Variants in PLXNA2 observed in about 807,000 individuals in gnomAD.
The protein encoded by PLXNA2 is plexin-A2.
Under a neutral mutation model 193.5 loss-of-function variants are expected in PLXNA2, and 91 were observed. The observed-to-expected ratio is 0.47, with a 90% CI of 0.40 to 0.56. The LOEUF (loss-of-function observed/expected upper bound fraction) is 0.56, where lower values mean the gene tolerates loss of function less well. PLXNA2 is among the 20% of genes least tolerant of loss of function. The probability of loss-of-function intolerance (pLI) is 0.00; values close to 1 mark genes in which losing one functional copy is unlikely to be tolerated. For synonymous variants in PLXNA2, 997 were observed against 1,027.3 expected, an observed-to-expected ratio of 0.97 and a Z score of 0.56; for missense variants, 1,995 against 2,503.2, an observed-to-expected ratio of 0.80 and a Z score of 4.33.
chr1:208,229,162 G>A (rs908903849), intron 1 of PLXNA2, among the ~76,000 whole-genome samples: 1 of 152,056 alleles, frequency 6.6e-6, no homozygotes, highest in Admixed American at 6.5e-5. Context: ...GTCTTTCCCT[G>A]CCTCTCTTTC....
At chr1:208,032,665 A>T (rs1161151513) in intron 28 of PLXNA2, among the ~76,000 whole-genome samples, 1 of 150,448 alleles carries the variant, frequency 6.6e-6, no homozygotes, top group Non-Finnish European at 1.5e-5. Context: ...CCTGCTAGGA[A>T]GGCTAAAAGA....
chr1:208,203,747 G>GT (rs1670625632), intron 3 of PLXNA2, among the ~76,000 whole-genome samples: 3 of 140,584 alleles, frequency 2.1e-5, no homozygotes, highest in Non-Finnish European at 4.6e-5. Flanking sequence ...TATAGCTACA[G>GT]CTCAGTTTCC....
At chr1:208,155,859 AGCCT>A (rs1386418497) in intron 3 of PLXNA2, among the ~76,000 whole-genome samples, 2 of 152,152 alleles carry the variant, frequency 1.3e-5, no homozygotes, top group African/African-American at 4.8e-5. Flanking sequence ...CTCTTGCTAT[AGCCT>A]GGAGGCTGCC....
At chr1:208,142,996 C>T (rs1353867877) in intron 3 of PLXNA2, among the ~76,000 whole-genome samples, 2 of 152,222 alleles carry the variant, frequency 1.3e-5, no homozygotes, top group East Asian at 3.8e-4. Flanking sequence ...CCCTGACTGT[C>T]CACAAATCCA....
At chr1:208,034,839 G>A (rs145130702) in intron 26 of PLXNA2, among the ~76,000 whole-genome samples, 215 of 152,278 alleles carry the variant, frequency 1.4e-3, no homozygotes, top group African/African-American at 4.7e-3. Flanking sequence ...TCCCAACTAA[G>A]ATGAGCTGTG....
Position 208,060,784 on chromosome 1 carries a change from G to T in PLXNA2, c.2640C>A (p.Gly880=), listed in dbSNP as rs1037371057. Residue 880 remains glycine, a synonymous_variant, in exon 13 of 32, where the codon GGC becomes GGA. Coordinates refer to ENST00000367033, the MANE Select transcript of PLXNA2 (RefSeq NM_025179.4). ...CGGAGAAGTCCAGACCCAGGTTCAC[G>T]CCATGGATGGTCACTCGCGTCCCTC... The part of the protein sequence containing the change: ...PEGGTRVTIH[G]VNLGLDFSEI... 6.2e-7 allele frequency: 1 copy of T among 1,614,068 alleles called. No homozygotes were observed. Among genetic ancestry groups the T allele is most frequent in the East Asian group, 2.2e-5 (1 of 44,850 alleles).
intron 4 of PLXNA2, among the ~76,000 whole-genome samples, chr1:208,105,105 G>T (rs1387534934): frequency 6.6e-6 from 1 of 152,202 alleles, no homozygotes; most frequent in Non-Finnish European, 1.5e-5. Flanking sequence ...CGGAGTTCAG[G>T]TCTCCGCAGC....
chr1:208,230,750 A>G (rs1558257192), intron 1 of PLXNA2, among the ~76,000 whole-genome samples: 2 of 152,018 alleles, frequency 1.3e-5, no homozygotes, highest in African/African-American at 2.4e-5. Flanking sequence ...CTATGTCCCC[A>G]CCCTGTATCT....
intron 3 of PLXNA2, among the ~76,000 whole-genome samples, chr1:208,186,139 G>A (rs1302640778): frequency 2.0e-5 from 3 of 152,206 alleles, no homozygotes; most frequent in Non-Finnish European, 4.4e-5. Flanking sequence ...AGGCCCAGGA[G>A]GGTAGGAGGA....
chr1:208,031,950 T>C (rs1279573015), intron 28 of PLXNA2, 191 bp from the exon 29 acceptor site: 1 of 981,206 alleles, frequency 1.0e-6, no homozygotes, highest in Non-Finnish European at 1.2e-6. Flanking sequence ...GGGTGGGCTG[T>C]GAATCCTGGG....
intron 3 of PLXNA2, among the ~76,000 whole-genome samples, chr1:208,151,545 C>T (rs189230037): frequency 6.6e-6 from 1 of 152,278 alleles, no homozygotes; most frequent in African/African-American, 2.4e-5. Flanking sequence ...CAAAAGGGGG[C>T]AGGACAAGGA....
chr1:208,195,730 C>T (rs1053083752), intron 3 of PLXNA2, among the ~76,000 whole-genome samples: 1 of 151,966 alleles, frequency 6.6e-6, no homozygotes, highest in Non-Finnish European at 1.5e-5. Flanking sequence ...CTGGCTGCAG[C>T]CCAGGGGTGT....
At chr1:208,075,563 G>A (rs1485893373) in intron 12 of PLXNA2, among the ~76,000 whole-genome samples, 2 of 152,072 alleles carry the variant, frequency 1.3e-5, no homozygotes, top group Non-Finnish European at 2.9e-5. Flanking sequence ...CTTATGGGAA[G>A]GTAGCTTAAG....
At chr1:208,034,428 G>A (rs1664606897) in intron 27 of PLXNA2, 65 bp downstream of exon 27, 1 of 1,014,408 alleles carries the variant, frequency 9.9e-7, no homozygotes, top group South Asian at 1.3e-5. Context: ...GGGGTAGCGA[G>A]TGGGCCCTGC....
rs771098182 is a variant in PLXNA2, at chr1:208,107,294, A to G, written c.1507-4047T>C. Reference sequence around the variant, plus strand: ...CGCAGGCCAACCACTGATATAGATGACTCCAGCTCTCCGAGTGGGTCTTTT... The same window carrying G: ...CGCAGGCCAACCACTGATATAGATGGCTCCAGCTCTCCGAGTGGGTCTTTT... On this transcript the variant is annotated intron_variant, in intron 4 of 31. Coordinates refer to ENST00000367033, the MANE Select transcript of PLXNA2 (RefSeq NM_025179.4). Among the ~76,000 whole-genome samples, 25 of 152,182 alleles carry G rather than the reference A, an allele frequency of 1.6e-4. No individual in the cohort carries two copies. The South Asian group carries it at 3.1e-3, about 19-fold the overall frequency.
intron 1 of PLXNA2, among the ~76,000 whole-genome samples, chr1:208,229,254 T>G (rs1671611173): frequency 6.6e-6 from 1 of 152,188 alleles, no homozygotes; most frequent in Non-Finnish European, 1.5e-5. Context: ...CACACACTGA[T>G]TCTAGCACAC....
rs115291668 is a variant in PLXNA2 at position 208,188,949 on chromosome 1, G to A, written c.1371+21331C>T. Among the ~76,000 whole-genome samples the A allele has an allele frequency of 6.4e-3, 980 of 152,296 alleles. 14 individuals carry two copies. The highest frequency in any genetic ancestry group is 0.022 in the African/African-American group (930 of 41,570). ...TCCAGCCCCAGATGGGCTGGATGTA[G>A]TGCACCCAGGAAAAGGGATAAGCCA... On this transcript the variant is annotated intron_variant, in intron 3 of 31. Transcript: ENST00000367033.
chr1:208,108,663 C>A (rs1041898343), intron 4 of PLXNA2, among the ~76,000 whole-genome samples: 3 of 152,220 alleles, frequency 2.0e-5, no homozygotes, highest in Admixed American at 1.3e-4. Flanking sequence ...AGTCCTTAAA[C>A]ATCTACTGAG....
At chr1:208,032,978 G>A (rs996701367) in intron 28 of PLXNA2, among the ~76,000 whole-genome samples, 9 of 151,894 alleles carry the variant, frequency 5.9e-5, no homozygotes, top group Admixed American at 3.3e-4. Flanking sequence ...AGAGAACAGC[G>A]GTGGCCTGAT....
Sources: gnomAD v4.1 joint callset for allele counts (sites outside exome capture counted in the v4.1 genomes callset) on GRCh38, gnomAD v4.1.1 for gene constraint, MANE v1.5 for transcripts, NCBI Gene and HGNC (gene_info 2026-07-23, HGNC 2026-07-21) for gene names.